PARVB: variants seen among roughly 807,000 people sequenced by gnomAD.
PARVB encodes the protein beta-parvin.
In PARVB, 46 loss-of-function variants were observed where a neutral mutation model predicts 47.0. The ratio of observed to expected loss-of-function variants is 0.98; its 90% confidence interval spans 0.77 to 1.25. The LOEUF (loss-of-function observed/expected upper bound fraction) is 1.25, where lower values mean the gene tolerates loss of function less well. PARVB is among the 50% of genes most tolerant of loss of function. The pLI is 0.00. For missense variants in PARVB, 473 were observed against 471.6 expected (o/e 1.00, Z -0.03); for synonymous variants, 196 against 196.3 (o/e 1.00, Z 0.01).
rs1468987862 is a variant in PARVB at position 44,169,664 on chromosome 22, C to G, written c.*986C>G. 1 of 150,236 alleles carries G rather than the reference C, an allele frequency of 6.7e-6. No homozygotes were observed. Among genetic ancestry groups the G allele is most frequent in the African/African-American group, 2.5e-5 (1 of 39,570 alleles). 9.3% of individuals were successfully genotyped at this position (150,236 alleles called of 1,614,324 possible). A position where few individuals can be genotyped will look rare whatever the true frequency, so the allele number is the denominator to read the frequency against. On this transcript the variant is annotated 3_prime_UTR_variant, in exon 13 of 13. Transcript: ENST00000338758. ...CCCGTGTCTTCACATGGTCTCCCCT[C>G]TGTGTGTCTGTGTCCTCACCGCCTC...
Position 44,093,912 on chromosome 22 carries a change from T to C in PARVB, c.113-16T>C. ...CGTGTATACTAACCTGGTTTTTCTT[T>C]CCTTTTGCTCAACAGTGAGTGACCT... On this transcript the variant is annotated splice_polypyrimidine_tract_variant and intron_variant, in intron 1 of 12. Coordinates refer to ENST00000338758, the MANE Select transcript of PARVB (RefSeq NM_013327.5). The C allele has an allele frequency of 6.3e-7, 1 of 1,596,526 alleles. No individual in the cohort carries two copies. Among genetic ancestry groups the C allele is most frequent in the Non-Finnish European group, 8.6e-7 (1 of 1,165,096 alleles).
Position 44,030,875 on chromosome 22 carries a change from T to C in PARVB, c.112+6424T>C, listed in dbSNP as rs529149696. Among the ~76,000 whole-genome samples, 14 of 151,970 alleles carry C rather than the reference T, an allele frequency of 9.2e-5. No individual in the cohort carries two copies. The South Asian group carries it at 2.9e-3, about 32-fold the overall frequency. ...GATAGCGTCAGGGCCCGTAGAAAAG[T>C]GGCTGTGGCATGTTGGGAAGGCCAG... On this transcript the variant is annotated intron_variant, in intron 1 of 12. Coordinates refer to ENST00000338758, the MANE Select transcript of PARVB (RefSeq NM_013327.5).
intron 1 of PARVB, among the ~76,000 whole-genome samples, chr22:44,080,616 C>T (rs916691081): frequency 5.3e-5 from 8 of 152,216 alleles, no homozygotes; most frequent in African/African-American, 1.9e-4. Flanking sequence ...TCCCTCTTGC[C>T]ATGCAAAGTC....
At chr22:44,152,151 CTTT>C (rs575608540) in intron 10 of PARVB, 2 of 140,750 alleles carry the variant, frequency 1.4e-5, no homozygotes, top group African/African-American at 2.6e-5. Context: ...CTTTTTCTTT[CTTT>C]TTTTTTTTTT....
At chr22:44,095,205 G>A (rs1489216949) in intron 2 of PARVB, among the ~76,000 whole-genome samples, 1 of 152,078 alleles carries the variant, frequency 6.6e-6, no homozygotes, top group Admixed American at 6.6e-5. Flanking sequence ...GAGATGCCAA[G>A]CACCAGAAAA....
At chr22:44,031,726 C>T (rs571445804) in intron 1 of PARVB, among the ~76,000 whole-genome samples, 2 of 152,094 alleles carry the variant, frequency 1.3e-5, no homozygotes, top group East Asian at 3.9e-4. Flanking sequence ...AAATTGCTTA[C>T]CCTCGCGCTC....
At chr22:44,035,811 T>TA (rs2050912354) in intron 1 of PARVB, among the ~76,000 whole-genome samples, 2 of 151,936 alleles carry the variant, frequency 1.3e-5, no homozygotes, top group Non-Finnish European at 2.9e-5. Context: ...TTTTTTTTTT[T>TA]ACTATGATAT....
At chr22:44,079,837 A>G (rs1281714348) in intron 1 of PARVB, among the ~76,000 whole-genome samples, 1 of 152,138 alleles carries the variant, frequency 6.6e-6, no homozygotes, top group Admixed American at 6.5e-5. Context: ...CTGAGGCAGG[A>G]GGATCGCTTG....
In PARVB at chr22:44,171,343, A is replaced by G. The variant is rs1299754193; in HGVS notation, c.*2665A>G. On this transcript the variant is annotated 3_prime_UTR_variant, in exon 13 of 13. Coordinates refer to ENST00000338758, the MANE Select transcript of PARVB (RefSeq NM_013327.5). Reference sequence around the variant, plus strand: ...AAACCCCATGTCTACTAAAAATACAAAAATTAGCCATGCATGGTATGTATG... The same window carrying G: ...AAACCCCATGTCTACTAAAAATACAGAAATTAGCCATGCATGGTATGTATG... The G allele has an allele frequency of 6.6e-6, 1 of 152,140 alleles. No homozygotes were observed. Among genetic ancestry groups the G allele is most frequent in the East Asian group, 1.9e-4 (1 of 5,196 alleles). 9.4% of individuals were successfully genotyped at this position (152,140 alleles called of 1,614,324 possible).
chr22:44,035,276 C>G (rs1428951311), intron 1 of PARVB, among the ~76,000 whole-genome samples: 1 of 152,060 alleles, frequency 6.6e-6, no homozygotes, highest in African/African-American at 2.4e-5. Context: ...TCTGAAGTGG[C>G]CGGCAACTGC....
At chr22:44,088,474 GTTA>G (rs2052085084) in intron 1 of PARVB, among the ~76,000 whole-genome samples, 1 of 152,078 alleles carries the variant, frequency 6.6e-6, no homozygotes, top group Non-Finnish European at 1.5e-5. Context: ...TATTATTATT[GTTA>G]TTATTTTTGA....
chr22:44,079,310 C>A (rs1262337714), intron 1 of PARVB, among the ~76,000 whole-genome samples: 2 of 152,176 alleles, frequency 1.3e-5, no homozygotes, highest in Non-Finnish European at 2.9e-5. Flanking sequence ...TTTGAAAATG[C>A]CCGGGCTCCA....
intron 1 of PARVB, among the ~76,000 whole-genome samples, chr22:44,032,918 C>T (rs561055664): frequency 1.2e-4 from 18 of 152,316 alleles, no homozygotes; most frequent in African/African-American, 4.3e-4. Flanking sequence ...TTTTCCAGCT[C>T]TAGTGCTGTG....
At chr22:44,027,756 G>A (rs2050754421) in intron 1 of PARVB, among the ~76,000 whole-genome samples, 1 of 151,860 alleles carries the variant, frequency 6.6e-6, no homozygotes. Flanking sequence ...AAATTAGCCG[G>A]GCATGGTGGC....
At chr22:44,116,558 C>T (rs993524554) in intron 3 of PARVB, among the ~76,000 whole-genome samples, 1 of 152,246 alleles carries the variant, frequency 6.6e-6, no homozygotes, top group Non-Finnish European at 1.5e-5. Context: ...CCATTCACCA[C>T]ATCCTTACAG....
At chr22:44,159,939 G>T (rs1387403025) in intron 11 of PARVB, among the ~76,000 whole-genome samples, 1 of 152,212 alleles carries the variant, frequency 6.6e-6, no homozygotes, top group East Asian at 1.9e-4. Flanking sequence ...AGGGACTGAG[G>T]TTCAGTGAGC....
At chr22:44,077,598 G>C (rs1203370782) in intron 1 of PARVB, among the ~76,000 whole-genome samples, 1 of 152,190 alleles carries the variant, frequency 6.6e-6, no homozygotes, top group South Asian at 2.1e-4. Flanking sequence ...TGGCTTACGA[G>C]TCCTGGCCAG....
At chr22:44,020,837 G>C (rs2050639234), upstream of PARVB, among the ~76,000 whole-genome samples, 1 of 151,788 alleles carries the variant, frequency 6.6e-6, no homozygotes, top group Admixed American at 6.6e-5. Context: ...CTGGAGTGCA[G>C]TGGCGTGATC....
chr22:44,103,209 G>C lies in PARVB; in HGVS notation c.273+3086G>C, dbSNP rs1018419. On this transcript the variant is annotated intron_variant, in intron 3 of 12. Coordinates refer to ENST00000338758, the MANE Select transcript of PARVB (RefSeq NM_013327.5). This position sits in a 1 kb window ranked among gnomAD's most constrained non-coding sequence, Gnocchi z 4.6. ...TGAGGGGCATGGGGTGGACTGATGG[G>C]AAAGCTAATTAGCATCCTTTGGGGC... 0.23 allele frequency: 34,441 copies of C among 152,206 alleles called. 4,934 individuals are homozygous for C. Among genetic ancestry groups the C allele is most frequent in the East Asian group, 0.45 (2,309 of 5,172 alleles). The allele number at this position is 152,206 out of a possible 1,614,324, so 9.4% of individuals were successfully genotyped here.
Sources: allele counts gnomAD v4.1 joint callset (sites outside exome capture counted in the v4.1 genomes callset), GRCh38; gene constraint gnomAD v4.1.1; non-coding constraint Gnocchi (gnomAD v3.1); transcripts MANE v1.5; gene names NCBI Gene and HGNC (gene_info 2026-07-23, HGNC 2026-07-21).